MAP3K20: variants seen among roughly 807,000 people sequenced by gnomAD.
The protein encoded by MAP3K20 is mitogen-activated protein kinase kinase kinase 20.
A neutral mutation model predicts 85.7 loss-of-function variants in MAP3K20; 40 were observed. The observed-to-expected ratio is 0.47, with a 90% CI of 0.36 to 0.61. The LOEUF (loss-of-function observed/expected upper bound fraction) is 0.61, where lower values mean the gene tolerates loss of function less well. Ranked by LOEUF, MAP3K20 falls within the 20% of genes least tolerant of loss-of-function variation. MAP3K20 has a pLI of 0.00. For synonymous variants in MAP3K20, 325 were observed against 327.7 expected, an observed-to-expected ratio of 0.99 and a Z score of 0.09; for missense variants, 817 against 961.7, an observed-to-expected ratio of 0.85 and a Z score of 1.99.
chr2:173,125,660 T>C (rs1157512734), intron 2 of MAP3K20, among the ~76,000 whole-genome samples: 1 of 152,034 alleles, frequency 6.6e-6, no homozygotes, highest in Non-Finnish European at 1.5e-5. Context: ...TTTATTTCCT[T>C]TTATTTATTT....
chr2:173,121,945 C>T (rs1029412969), intron 2 of MAP3K20, among the ~76,000 whole-genome samples: 16 of 152,260 alleles, frequency 1.1e-4, no homozygotes, highest in African/African-American at 3.4e-4. Context: ...ATTGAGTAAG[C>T]CTTGGGGTGG....
Position 173,266,928 on chromosome 2 carries a change from A to G in MAP3K20, c.*178A>G. On this transcript the variant is annotated 3_prime_UTR_variant, in exon 20 of 20. Coordinates refer to ENST00000375213, the MANE Select transcript of MAP3K20 (RefSeq NM_016653.3). ...AGCCAAACCAGGGCCAAAATTATGG[A>G]TATTGGTCACCCAGTGATCATAACT... 1 of 512,862 alleles carries G rather than the reference A, an allele frequency of 1.9e-6. No individual in the cohort carries two copies. The allele number at this position is 512,862 out of a possible 1,614,324, so 31.8% of individuals were successfully genotyped here.
At chr2:173,245,299 T>C (rs1684888166) in intron 16 of MAP3K20, among the ~76,000 whole-genome samples, 1 of 152,192 alleles carries the variant, frequency 6.6e-6, no homozygotes, top group South Asian at 2.1e-4. Flanking sequence ...AGATGGATGA[T>C]GGCACAAAGC....
intron 2 of MAP3K20, among the ~76,000 whole-genome samples, chr2:173,132,433 G>A (rs938950124): frequency 6.6e-6 from 1 of 152,112 alleles, no homozygotes; most frequent in African/African-American, 2.4e-5. Context: ...AATCCTCTCC[G>A]AATGAGCAGT....
chr2:173,221,354 T>G (rs1398953212), intron 11 of MAP3K20: 1 of 1,613,990 alleles, frequency 6.2e-7, no homozygotes, highest in South Asian at 1.1e-5. Context: ...TGTGATGCAT[T>G]CTGGGATGCA....
intron 16 of MAP3K20, among the ~76,000 whole-genome samples, chr2:173,242,001 C>G (rs1684793074): frequency 6.6e-6 from 1 of 152,156 alleles, no homozygotes; most frequent in South Asian, 2.1e-4. Flanking sequence ...CCCCTAAGTT[C>G]ATCTGATGGT....
At chr2:173,130,780 T>C (rs1046209540) in intron 2 of MAP3K20, among the ~76,000 whole-genome samples, 1 of 152,168 alleles carries the variant, frequency 6.6e-6, no homozygotes, top group Non-Finnish European at 1.5e-5. Context: ...GTCTAGTAGA[T>C]AAAATGAGAC....
At position 173,266,050 on chromosome 2, in the gene MAP3K20, G is replaced by A; in HGVS notation, c.1703G>A (p.Ser568Asn). 16 of 1,560,192 alleles carry A rather than the reference G, an allele frequency of 1.0e-5. No individual in the cohort carries two copies. The highest frequency in any genetic ancestry group is 1.4e-5 in the Non-Finnish European group (16 of 1,149,578). Residue 568 changes from serine to asparagine, a missense_variant and splice_region_variant, in exon 20 of 20, where the codon AGT becomes AAT. Ser to Asn is a conservative substitution (Grantham distance 46). Around this residue, in one of 4 missense-constraint regions of MAP3K20, gnomAD observed 454 missense variants for 476.9 expected, o/e 0.95. Transcript: ENST00000375213. ...ATGCTCATTTCCATTTCTCCCGCAG[G>A]TGCTGATTGCCAGTGGTTAGATACT... is the stretch of plus-strand genomic sequence containing the variant. The part of the protein sequence containing the change: ...DGNPGSRSDS[S>N]ADCQWLDTLR...
At chr2:173,187,996 C>T (rs1160508953) in intron 5 of MAP3K20, among the ~76,000 whole-genome samples, 1 of 152,126 alleles carries the variant, frequency 6.6e-6, no homozygotes, top group Non-Finnish European at 1.5e-5. Flanking sequence ...TTTTAGTCTT[C>T]TATTTTTAGG....
chr2:173,112,048 T>C (rs1233878270), intron 2 of MAP3K20, among the ~76,000 whole-genome samples: 1 of 152,216 alleles, frequency 6.6e-6, no homozygotes, highest in Non-Finnish European at 1.5e-5. Context: ...TCCGTGAGCA[T>C]GGGATGTGTT....
chr2:173,124,775 A>G (rs1480279937), intron 2 of MAP3K20, among the ~76,000 whole-genome samples: 1 of 152,174 alleles, frequency 6.6e-6, no homozygotes, highest in Non-Finnish European at 1.5e-5. Flanking sequence ...CAAACAAGAA[A>G]GATGCTCCTT....
At chr2:173,121,077 G>A (rs555192588) in intron 2 of MAP3K20, among the ~76,000 whole-genome samples, 220 of 152,240 alleles carry the variant, frequency 1.4e-3, no homozygotes, top group African/African-American at 5.2e-3. Context: ...CCAGTGGTCC[G>A]TGATTCAAGG....
At chr2:173,097,670 C>T (rs947658137) in intron 2 of MAP3K20, among the ~76,000 whole-genome samples, 2 of 152,016 alleles carry the variant, frequency 1.3e-5, no homozygotes, top group Non-Finnish European at 1.5e-5. Flanking sequence ...TTAGAAATGT[C>T]GGAAGCCAGA....
chr2:173,234,410 C>T (rs1684598139), intron 14 of MAP3K20, among the ~76,000 whole-genome samples: 1 of 152,134 alleles, frequency 6.6e-6, no homozygotes, highest in South Asian at 2.1e-4. Context: ...TTCAAAGAAA[C>T]CTGTGGTTAA....
chr2:173,100,520 ATGTATCT>A (rs1318783728), intron 2 of MAP3K20, among the ~76,000 whole-genome samples: 8 of 152,198 alleles, frequency 5.3e-5, no homozygotes, highest in Non-Finnish European at 1.0e-4. Flanking sequence ...CATCTAGGAA[ATGTATCT>A]TGTATTGACA....
chr2:173,182,814 C>A, intron 3 of MAP3K20, 40 bp from the exon 4 acceptor site: 1 of 1,381,328 alleles, frequency 7.2e-7, no homozygotes. Flanking sequence ...TGAAATGTAT[C>A]TTGATTTTAA....
intron 3 of MAP3K20, among the ~76,000 whole-genome samples, chr2:173,179,704 G>GCACACACA (rs71018541): frequency 0.041 from 5,962 of 146,106 alleles, 139 homozygotes; most frequent in Non-Finnish European, 0.056. Flanking sequence ...TAAGGAATGC[G>GCACACACA]CACACACACA....
intron 2 of MAP3K20, among the ~76,000 whole-genome samples, chr2:173,129,268 A>G (rs768305274): frequency 2.6e-5 from 4 of 152,218 alleles, no homozygotes; most frequent in East Asian, 1.9e-4. Context: ...ATGTAACACT[A>G]TATGAATACT....
chr2:173,207,372 G>C (rs1284544302), intron 9 of MAP3K20, among the ~76,000 whole-genome samples: 1 of 152,124 alleles, frequency 6.6e-6, no homozygotes, highest in Non-Finnish European at 1.5e-5. Flanking sequence ...CGTTCCTGTA[G>C]TCCCAGCTAC....
Sources: allele counts gnomAD v4.1 joint callset (sites outside exome capture counted in the v4.1 genomes callset), GRCh38; gene constraint gnomAD v4.1.1; regional missense constraint gnomAD v4.1.1; transcripts MANE v1.5; gene names NCBI Gene and HGNC (gene_info 2026-07-23, HGNC 2026-07-21).